RYR3: variants seen among roughly 807,000 people sequenced by gnomAD.
The protein encoded by RYR3 is ryanodine receptor 3.
A neutral mutation model predicts 584.3 loss-of-function variants in RYR3; 207 were observed. The observed-to-expected ratio is 0.35, with a 90% CI of 0.32 to 0.40. RYR3 has a LOEUF of 0.40. RYR3 is among the 10% of genes least tolerant of loss of function. RYR3 has a pLI of 1.00. For missense variants in RYR3, 5,616 were observed against 6,089.2 expected, an observed-to-expected ratio of 0.92 and a Z score of 2.59; for synonymous variants, 2,416 against 2,248.5, an observed-to-expected ratio of 1.07 and a Z score of -2.11.
chr15:33,465,114 G>T (rs1380448427), intron 1 of RYR3, among the ~76,000 whole-genome samples: 2 of 152,102 alleles, frequency 1.3e-5, no homozygotes, highest in Non-Finnish European at 2.9e-5. Context: ...GTGTGTGTGT[G>T]CCACATTTGG....
At chr15:33,537,387 T>C (rs2055419628) in intron 5 of RYR3, among the ~76,000 whole-genome samples, 1 of 151,828 alleles carries the variant, frequency 6.6e-6, no homozygotes. Context: ...TGTTTGTTTT[T>C]TGCCTTCTTG....
intron 1 of RYR3, among the ~76,000 whole-genome samples, chr15:33,324,580 T>C (rs996484133): frequency 3.3e-5 from 5 of 152,230 alleles, no homozygotes; most frequent in Non-Finnish European, 5.9e-5. Flanking sequence ...GACACTGATT[T>C]ATCCTGTTTG....
At chr15:33,413,658 A>G (rs566640291) in intron 1 of RYR3, among the ~76,000 whole-genome samples, 1 of 152,332 alleles carries the variant, frequency 6.6e-6, no homozygotes, top group Non-Finnish European at 1.5e-5. Context: ...GGGCCTCTGC[A>G]CTGAGGTCCT....
At chr15:33,516,899 G>A (rs946779273) in intron 3 of RYR3, among the ~76,000 whole-genome samples, 1 of 151,918 alleles carries the variant, frequency 6.6e-6, no homozygotes, top group Non-Finnish European at 1.5e-5. Context: ...AAAAAAATAA[G>A]GAACCAATAA....
intron 1 of RYR3, among the ~76,000 whole-genome samples, chr15:33,362,289 C>T (rs953437165): frequency 6.6e-6 from 1 of 152,096 alleles, no homozygotes; most frequent in Non-Finnish European, 1.5e-5. Context: ...CTGATGTTAA[C>T]CTGTCTTCTC....
At chr15:33,577,373 T>A (rs1185140642) in intron 12 of RYR3, among the ~76,000 whole-genome samples, 1 of 152,056 alleles carries the variant, frequency 6.6e-6, no homozygotes, top group Non-Finnish European at 1.5e-5. Context: ...AACTATGTTA[T>A]AAGGCTACAG....
chr15:33,846,064 G>A (rs776382553), intron 93 of RYR3, among the ~76,000 whole-genome samples: 1 of 152,224 alleles, frequency 6.6e-6, no homozygotes, highest in Non-Finnish European at 1.5e-5. Flanking sequence ...GGGCTCAGCT[G>A]GGGTAGCTGG....
intron 60 of RYR3, among the ~76,000 whole-genome samples, chr15:33,758,307 T>TA (rs2072061279): frequency 6.6e-6 from 1 of 151,830 alleles, no homozygotes; most frequent in Admixed American, 6.6e-5. Flanking sequence ...TTCACACCCC[T>TA]GGAAAGGAGG....
At chr15:33,741,777 C>T (rs1297546785) in intron 51 of RYR3, among the ~76,000 whole-genome samples, 2 of 152,062 alleles carry the variant, frequency 1.3e-5, no homozygotes, top group African/African-American at 4.8e-5. Flanking sequence ...CTACGCCCGG[C>T]TAATTTTTTT....
chr15:33,546,354 A>G (rs2056234612), intron 8 of RYR3, among the ~76,000 whole-genome samples: 2 of 152,192 alleles, frequency 1.3e-5, no homozygotes, highest in Non-Finnish European at 2.9e-5. Context: ...CTAAGTGGCT[A>G]GCAGGTTGGT....
chr15:33,672,441 C>T (rs1313929824), intron 38 of RYR3, among the ~76,000 whole-genome samples: 3 of 152,152 alleles, frequency 2.0e-5, no homozygotes, highest in Non-Finnish European at 2.9e-5. Flanking sequence ...GAGAGGTTCA[C>T]GTTTCGTGTC....
chr15:33,314,187 C>A (rs190063024), intron 1 of RYR3, among the ~76,000 whole-genome samples: 2 of 152,314 alleles, frequency 1.3e-5, no homozygotes, highest in Non-Finnish European at 2.9e-5. Flanking sequence ...CTTCTGAAAT[C>A]ACTGACAGTC....
chr15:33,631,861 C>G lies in RYR3; in HGVS notation c.2867+568C>G, dbSNP rs1056467674. On this transcript the variant is annotated intron_variant, in intron 23 of 103. Transcript: ENST00000634891. ...GCCAGCAGATATGCAGATGGATTCA[C>G]ACACAGGTGTCATCATTACTTAGGA... Among the ~76,000 whole-genome samples the G allele has an allele frequency of 5.9e-5, 9 of 152,356 alleles. No homozygotes were observed. The East Asian group carries it at 1.7e-3, about 29-fold the overall frequency.
At position 33,581,550 on chromosome 15, in the gene RYR3, G is replaced by A. The variant is rs2077268; in HGVS notation, c.1480G>A (p.Val494Ile). The A allele has an allele frequency of 0.1, 165,386 of 1,613,058 alleles. 10,691 individuals carry two copies. The highest frequency in any genetic ancestry group is 0.31 in the African/African-American group (23,219 of 74,940). The stretch of plus-strand genomic sequence containing the variant: ...CTTAAATTGCATTGACCGCTTAAAT[G>A]TCTACAATAGCGTAGCACACTTTGC... ...LVLNCIDRLN[V>I]YNSVAHFAGI... Residue 494 changes from valine (V) to isoleucine (I), a missense_variant, in exon 14 of 104, where the codon GTC becomes ATC. Physicochemically the swap from Val to Ile is conservative, Grantham distance 29. This residue lies in a region of RYR3 where 1,284 missense variants were observed against 1,344.6 expected (regional missense o/e 0.95). Transcript: ENST00000634891.
intron 38 of RYR3, among the ~76,000 whole-genome samples, chr15:33,675,511 T>G (rs1279075425): frequency 6.6e-6 from 1 of 152,196 alleles, no homozygotes; most frequent in East Asian, 1.9e-4. Flanking sequence ...ACTGAGATAG[T>G]TATGAGCACA....
intron 3 of RYR3, 120 bp from the exon 4 acceptor site, chr15:33,530,472 C>T (rs1189349496): frequency 5.7e-6 from 4 of 707,124 alleles, no homozygotes; most frequent in African/African-American, 3.5e-5. Context: ...GAATGAATTC[C>T]TTAGGAGCTT....
At chr15:33,738,405 TTC>T (rs1403602465) in intron 49 of RYR3, 43 bp from the exon 50 acceptor site, 34 of 1,571,218 alleles carry the variant, frequency 2.2e-5, no homozygotes, top group Non-Finnish European at 2.9e-5. Flanking sequence ...CCTGTGGACT[TTC>T]TCTATGCCAC....
chr15:33,772,002 A>T lies in RYR3; in HGVS notation c.8899A>T (p.Thr2967Ser). 1 of 1,613,746 alleles carries T rather than the reference A, an allele frequency of 6.2e-7. No individual in the cohort carries two copies. Among genetic ancestry groups the T allele is most frequent in the Non-Finnish European group, 8.5e-7 (1 of 1,179,800 alleles). The change falls in exon 63 of 104, where the codon ACT (threonine) becomes TCT (serine). Residue 2967 changes from threonine to serine, a missense_variant. Thr to Ser is a moderately conservative substitution (Grantham distance 58). Transcript: ENST00000634891. ...AAATGCTGCAGAAGATTTGGAGAAG[A>T]CTTCAGAAAACCTGAAACTTGGGAA... ...FENAAEDLEKTSENLKLGKFT... is the reference protein window; with the variant it reads ...FENAAEDLEKSSENLKLGKFT...
chr15:33,640,738 C>G (rs1255038768), intron 27 of RYR3, among the ~76,000 whole-genome samples: 2 of 152,176 alleles, frequency 1.3e-5, no homozygotes, highest in African/African-American at 4.8e-5. Flanking sequence ...CATTTCCTTC[C>G]TGGGACAAGA....
Sources: allele counts gnomAD v4.1 joint callset (sites outside exome capture counted in the v4.1 genomes callset), GRCh38; gene constraint gnomAD v4.1.1; regional missense constraint gnomAD v4.1.1; transcripts MANE v1.5; gene names NCBI Gene and HGNC (gene_info 2026-07-23, HGNC 2026-07-21).